BTBD10: variants seen among roughly 807,000 people sequenced by gnomAD.
The protein encoded by BTBD10 is BTB domain containing 10.
BTBD10 carries 21 observed loss-of-function variants against 53.2 expected under a neutral mutation model. That is an observed-to-expected ratio of 0.39 (90% CI 0.28 to 0.57). The LOEUF (loss-of-function observed/expected upper bound fraction) is 0.57. Ranked by LOEUF, BTBD10 falls within the 20% of genes least tolerant of loss-of-function variation. BTBD10 has a pLI of 0.53. For missense variants in BTBD10, 360 were observed against 594.7 expected, an observed-to-expected ratio of 0.61 and a Z score of 4.10; for synonymous variants, 149 against 192.7, an observed-to-expected ratio of 0.77 and a Z score of 1.88.
At chr11:13,441,142 T>C (rs1950640626) in intron 2 of BTBD10, among the ~76,000 whole-genome samples, 1 of 152,120 alleles carries the variant, frequency 6.6e-6, no homozygotes, top group African/African-American at 2.4e-5. Context: ...ATTCAGTAAA[T>C]TTTAAACAAA....
chr11:13,457,125 G>A (rs1950986319), intron 1 of BTBD10, among the ~76,000 whole-genome samples: 1 of 151,952 alleles, frequency 6.6e-6, no homozygotes, highest in Admixed American at 6.6e-5. Context: ...TCATGCCACT[G>A]CACTCCAGCC....
At chr11:13,393,631 T>C (rs966652677) in intron 8 of BTBD10, among the ~76,000 whole-genome samples, 2 of 152,106 alleles carry the variant, frequency 1.3e-5, no homozygotes, top group Admixed American at 1.3e-4. Flanking sequence ...CTTCAGTACA[T>C]AGAAGCAGTT....
chr11:13,412,161 A>G lies in BTBD10; in HGVS notation c.808+1369T>C, dbSNP rs1009829414. ...AATCATTTTTTTAAGATGTGAAAAA[A>G]CAGCAACTCTGGCCAGGCACAGTGG... On this transcript the variant is annotated intron_variant, in intron 6 of 8. Transcript: ENST00000278174. Among the ~76,000 whole-genome samples, 98 of 152,044 alleles carry G rather than the reference A, an allele frequency of 6.4e-4. 1 individual carries two copies. Among genetic ancestry groups the G allele is most frequent in the African/African-American group, 1.9e-3 (79 of 41,512 alleles).
intron 8 of BTBD10, among the ~76,000 whole-genome samples, chr11:13,400,100 A>G (rs1246140440): frequency 6.6e-6 from 1 of 152,244 alleles, no homozygotes; most frequent in Non-Finnish European, 1.5e-5. Context: ...TTAAGTCTGC[A>G]GAGGTTATTG....
At chr11:13,420,187 C>G (rs997591290) in intron 3 of BTBD10, among the ~76,000 whole-genome samples, 4 of 152,046 alleles carry the variant, frequency 2.6e-5, no homozygotes, top group Non-Finnish European at 4.4e-5. Flanking sequence ...ATTCTGAGAA[C>G]ACAAAGTACA....
intron 5 of BTBD10, among the ~76,000 whole-genome samples, chr11:13,415,591 TTA>T (rs1950085246): frequency 6.6e-6 from 1 of 152,072 alleles, no homozygotes; most frequent in Non-Finnish European, 1.5e-5. Context: ...CTTTTTTTTT[TTA>T]GACATATATA....
At chr11:13,445,288 A>G (rs894248312) in intron 1 of BTBD10, 107 bp from the exon 2 acceptor site, 17 of 447,528 alleles carry the variant, frequency 3.8e-5, no homozygotes, top group Non-Finnish European at 6.7e-5. Context: ...AAAGTGATGA[A>G]TAGATTATAA....
At chr11:13,444,227 C>T (rs1287595799) in intron 2 of BTBD10, among the ~76,000 whole-genome samples, 1 of 145,140 alleles carries the variant, frequency 6.9e-6, no homozygotes, top group Non-Finnish European at 1.5e-5. Flanking sequence ...AATATTATGG[C>T]TTTTTTTTTT....
At chr11:13,427,932 T>C (rs558518058) in intron 2 of BTBD10, among the ~76,000 whole-genome samples, 2 of 151,900 alleles carry the variant, frequency 1.3e-5, no homozygotes, top group South Asian at 4.2e-4. Context: ...TAAAAGAAAG[T>C]GGAAAAAACC....
intron 1 of BTBD10, among the ~76,000 whole-genome samples, chr11:13,459,305 G>A (rs1301406149): frequency 6.6e-6 from 1 of 151,868 alleles, no homozygotes; most frequent in African/African-American, 2.4e-5. Flanking sequence ...TGATCCGCCC[G>A]CCTCGGCCTC....
At chr11:13,397,662 T>G (rs1328184072) in intron 8 of BTBD10, among the ~76,000 whole-genome samples, 1 of 152,232 alleles carries the variant, frequency 6.6e-6, no homozygotes, top group African/African-American at 2.4e-5. Flanking sequence ...CTTTCCTGCT[T>G]TCTCTTGTGG....
At chr11:13,402,548 T>C (rs1186974103) in intron 8 of BTBD10, among the ~76,000 whole-genome samples, 1 of 152,198 alleles carries the variant, frequency 6.6e-6, no homozygotes, top group Non-Finnish European at 1.5e-5. Context: ...CATTGTCATG[T>C]TATATCAATT....
chr11:13,443,482 C>T (rs1950699633), intron 2 of BTBD10, among the ~76,000 whole-genome samples: 1 of 151,854 alleles, frequency 6.6e-6, no homozygotes, highest in Non-Finnish European at 1.5e-5. Flanking sequence ...ATCTGTTTTT[C>T]AGCAGAAAAA....
intron 6 of BTBD10, among the ~76,000 whole-genome samples, chr11:13,408,476 A>C (rs1949873658): frequency 6.6e-6 from 1 of 152,204 alleles, no homozygotes; most frequent in Admixed American, 6.5e-5. Flanking sequence ...TATTATCCAT[A>C]TACTGATGAC....
chr11:13,411,605 T>A (rs1225631294), intron 6 of BTBD10, among the ~76,000 whole-genome samples: 1 of 152,158 alleles, frequency 6.6e-6, no homozygotes, highest in Non-Finnish European at 1.5e-5. Context: ...TTACTTTTAA[T>A]CTGTAACAAA....
intron 2 of BTBD10, among the ~76,000 whole-genome samples, chr11:13,422,549 G>T (rs567861912): frequency 6.6e-6 from 1 of 152,238 alleles, no homozygotes; most frequent in East Asian, 1.9e-4. Flanking sequence ...TCAGGAGGCT[G>T]GGGCACAAGA....
chr11:13,389,888 G>A (rs944222262), intron 8 of BTBD10, among the ~76,000 whole-genome samples: 4 of 151,848 alleles, frequency 2.6e-5, no homozygotes, highest in Admixed American at 6.6e-5. Flanking sequence ...AGCTGTCCAG[G>A]TGGTTCTAGA....
intron 1 of BTBD10, among the ~76,000 whole-genome samples, chr11:13,452,019 A>G (rs1311132962): frequency 1.3e-5 from 2 of 152,182 alleles, no homozygotes; most frequent in African/African-American, 4.8e-5. Context: ...AAAAACCATC[A>G]GGGAACTTGG....
At chr11:13,447,035 A>G (rs919498188) in intron 1 of BTBD10, among the ~76,000 whole-genome samples, 1 of 152,224 alleles carries the variant, frequency 6.6e-6, no homozygotes, top group Non-Finnish European at 1.5e-5. Context: ...GATTTGGCAG[A>G]TTCTGTAGAA....
Sources: allele counts gnomAD v4.1 joint callset (sites outside exome capture counted in the v4.1 genomes callset), GRCh38; gene constraint gnomAD v4.1.1; transcripts MANE v1.5; gene names NCBI Gene and HGNC (gene_info 2026-07-23, HGNC 2026-07-21).